LPP: variants seen among roughly 807,000 people sequenced by gnomAD.
LPP encodes LIM domain containing preferred translocation partner in lipoma, also known as lipoma-preferred partner.
LPP carries 38 observed loss-of-function variants against 60.4 expected under a neutral mutation model. That is an observed-to-expected ratio of 0.63 (90% CI 0.49 to 0.83). The LOEUF (loss-of-function observed/expected upper bound fraction) is 0.83. Ranked by LOEUF, LPP falls within the 40% of genes least tolerant of loss-of-function variation. The probability of loss-of-function intolerance (pLI) is 0.00; values close to 1 mark genes in which losing one functional copy is unlikely to be tolerated. For synonymous variants in LPP, 328 were observed against 290.8 expected, an observed-to-expected ratio of 1.13 and a Z score of -1.30; for missense variants, 902 against 783.6, an observed-to-expected ratio of 1.15 and a Z score of -1.80.
rs57583008 is a variant in LPP, at chr3:188,373,104, T to C, written c.-10+31385T>C. ...GTCACATTTTCTTAATCCAGTCTAT[T>C]GTTGTTGGACATTTGGGTTGGTTCG... On this transcript the variant is annotated intron_variant, in intron 3 of 11. Transcript: ENST00000617246. Among the ~76,000 whole-genome samples, 1,075 of 151,158 alleles carry C rather than the reference T, an allele frequency of 7.1e-3. 14 individuals carry two copies. The highest frequency in any genetic ancestry group is 0.024 in the African/African-American group (968 of 40,534).
chr3:188,577,499 T>G (rs1834888407), intron 6 of LPP, among the ~76,000 whole-genome samples: 1 of 151,724 alleles, frequency 6.6e-6, no homozygotes, highest in Admixed American at 6.6e-5. Context: ...ATCTTTAAAT[T>G]TTCTCTAATG....
chr3:188,759,339 T>A (rs562801043), intron 8 of LPP: 9 of 152,210 alleles, frequency 5.9e-5, no homozygotes, highest in African/African-American at 2.2e-4. Flanking sequence ...ACCGTGGCCC[T>A]GAAAGACTCA....
intron 5 of LPP, among the ~76,000 whole-genome samples, chr3:188,522,782 G>T (rs1560514752): frequency 2.9e-5 from 1 of 34,606 alleles, no homozygotes; most frequent in African/African-American, 9.0e-5. Flanking sequence ...GTGATAATAT[G>T]AAATATATAT....
chr3:188,609,202 A>G lies in LPP; in HGVS notation c.471A>G (p.Pro157=). The G allele has an allele frequency of 2.5e-6, 4 of 1,613,746 alleles. No homozygotes were observed. The highest frequency in any genetic ancestry group is 8.5e-7 in the Non-Finnish European group (1 of 1,179,870). ...CAGCCTCTCCTCCAGTTTCGACCCCAGTCACAGGACACAAGAGAATGGTCA... is the reference window on the plus strand; with the variant it reads ...CAGCCTCTCCTCCAGTTTCGACCCCGGTCACAGGACACAAGAGAATGGTCA... ...GSTASPPVST[P]VTGHKRMVIP... Residue 157 remains proline (P), a synonymous_variant, in exon 7 of 12, where the codon CCA becomes CCG. Coordinates refer to ENST00000617246, the MANE Select transcript of LPP (RefSeq NM_001375462.1). The surrounding 1 kb of genome is among the most constrained non-coding windows in gnomAD (Gnocchi z 6.9).
intron 6 of LPP, among the ~76,000 whole-genome samples, chr3:188,555,108 G>A (rs1314341213): frequency 6.6e-6 from 1 of 152,084 alleles, no homozygotes; most frequent in African/African-American, 2.4e-5. Flanking sequence ...CAGATATTTG[G>A]GATAAGCATG....
intron 8 of LPP, among the ~76,000 whole-genome samples, chr3:188,750,471 A>G (rs951867865): frequency 2.6e-5 from 4 of 152,104 alleles, no homozygotes; most frequent in Admixed American, 1.3e-4. Context: ...TCTCTACTAC[A>G]AATATCAAAA....
chr3:188,433,458 T>C (rs935934340), intron 4 of LPP, among the ~76,000 whole-genome samples: 4 of 151,760 alleles, frequency 2.6e-5, no homozygotes, highest in Non-Finnish European at 4.4e-5. Flanking sequence ...TAATAGAGTG[T>C]CTCTTAGCAA....
chr3:188,800,719 C>A (rs1482428129), intron 9 of LPP, among the ~76,000 whole-genome samples: 1 of 152,044 alleles, frequency 6.6e-6, no homozygotes, highest in South Asian at 2.1e-4. Flanking sequence ...GAGCATGTTC[C>A]ATCTTTTAAA....
At chr3:188,832,842 G>A (rs1259402404) in intron 9 of LPP, among the ~76,000 whole-genome samples, 2 of 152,194 alleles carry the variant, frequency 1.3e-5, no homozygotes, top group African/African-American at 4.8e-5. Context: ...GTAGGCTGGT[G>A]AGGGGTTCCT....
intron 2 of LPP, among the ~76,000 whole-genome samples, chr3:188,306,073 T>C (rs912864181): frequency 6.6e-6 from 1 of 152,112 alleles, no homozygotes; most frequent in Admixed American, 6.6e-5. Context: ...TGTTGTGTTT[T>C]CTTTTTCTTT....
intron 3 of LPP, among the ~76,000 whole-genome samples, chr3:188,377,201 G>A (rs1335936643): frequency 2.6e-5 from 4 of 152,012 alleles, no homozygotes; most frequent in Admixed American, 1.3e-4. Flanking sequence ...TGCTCTTCTC[G>A]AGGAGTATCT....
chr3:188,856,085 G>A (rs920753679), intron 9 of LPP, among the ~76,000 whole-genome samples: 9 of 152,110 alleles, frequency 5.9e-5, no homozygotes, highest in African/African-American at 2.2e-4. Context: ...GGTACCAGGG[G>A]CTTTGTTGGA....
At chr3:188,721,805 C>CTG (rs1375495467) in intron 8 of LPP, among the ~76,000 whole-genome samples, 1 of 152,160 alleles carries the variant, frequency 6.6e-6, no homozygotes, top group Non-Finnish European at 1.5e-5. Context: ...GCATCCAGCA[C>CTG]TGAGAGGCAT....
chr3:188,685,508 C>G (rs1331234340), intron 7 of LPP, among the ~76,000 whole-genome samples: 1 of 152,076 alleles, frequency 6.6e-6, no homozygotes, highest in African/African-American at 2.4e-5. Context: ...GAGCCCCATG[C>G]CAAAGAGTCT....
At chr3:188,502,926 A>G (rs1038465702) in intron 5 of LPP, among the ~76,000 whole-genome samples, 1 of 152,108 alleles carries the variant, frequency 6.6e-6, no homozygotes, top group Admixed American at 6.5e-5. Context: ...ATCGTGTTTA[A>G]TGAATGTGTA....
At chr3:188,493,180 A>G (rs1808903480) in intron 5 of LPP, among the ~76,000 whole-genome samples, 1 of 152,180 alleles carries the variant, frequency 6.6e-6, no homozygotes, top group Non-Finnish European at 1.5e-5. Context: ...TTTGAGTAAA[A>G]GCTTGGCTAT....
At chr3:188,773,909 T>C (rs1206391117) in intron 9 of LPP, among the ~76,000 whole-genome samples, 1 of 152,204 alleles carries the variant, frequency 6.6e-6, no homozygotes, top group African/African-American at 2.4e-5. Context: ...GGAAGAGACC[T>C]GTCCCAATGT....
At chr3:188,447,250 C>A (rs1460319083) in intron 4 of LPP, among the ~76,000 whole-genome samples, 2 of 152,096 alleles carry the variant, frequency 1.3e-5, no homozygotes, top group African/African-American at 4.8e-5. Context: ...AGAAATTTCC[C>A]ACATGATTTT....
chr3:188,467,664 G>T (rs9839616), intron 4 of LPP, among the ~76,000 whole-genome samples: 45,053 of 151,966 alleles, frequency 0.3, 6,718 homozygotes, highest in East Asian at 0.37. Context: ...GATAGCAAAT[G>T]GAAGAAGAGG....
Sources: gnomAD v4.1 joint callset for allele counts (sites outside exome capture counted in the v4.1 genomes callset) on GRCh38, gnomAD v4.1.1 for gene constraint, Gnocchi (gnomAD v3.1) non-coding constraint, MANE v1.5 for transcripts, NCBI Gene and HGNC (gene_info 2026-07-23, HGNC 2026-07-21) for gene names.